HS6ST3: variants seen among roughly 807,000 people sequenced by gnomAD.
HS6ST3 encodes heparan sulfate 6-O-sulfotransferase 3, also known as heparan-sulfate 6-O-sulfotransferase 3.
In HS6ST3, 12 loss-of-function variants were observed where a neutral mutation model predicts 36.7. The observed-to-expected ratio is 0.33, with a 90% CI of 0.21 to 0.53. HS6ST3 has a LOEUF of 0.53. Among genes scored for constraint, HS6ST3 ranks in the 20% least tolerant of loss-of-function variants. The pLI is 0.95. For missense variants in HS6ST3, 584 were observed against 640.9 expected, an observed-to-expected ratio of 0.91 and a Z score of 0.96; for synonymous variants, 240 against 257.5, an observed-to-expected ratio of 0.93 and a Z score of 0.65.
At chr13:96,573,617 C>A in intron 1 of HS6ST3, 1 of 222,482 alleles carries the variant, frequency 4.5e-6, no homozygotes. Context: ...AACTCGAGCA[C>A]CCAATCAGGA....
rs562033567 is a variant in HS6ST3, at chr13:96,662,766, T to C, written c.708-169724T>C. 2.0e-4 allele frequency among the ~76,000 whole-genome samples: 30 copies of C among 152,208 alleles called. 1 individual carries two copies. The highest frequency in any genetic ancestry group is 1.8e-3 in the Admixed American group (28 of 15,268). Reference sequence around the variant, plus strand: ...GAAGCTATCATTTTTTAATTTTGAATTTTCTTTGCTTTGGATGGGATGTTT... The same window carrying C: ...GAAGCTATCATTTTTTAATTTTGAACTTTCTTTGCTTTGGATGGGATGTTT... On this transcript the variant is annotated intron_variant, in intron 1 of 1. Transcript: ENST00000376705.
At position 96,175,874 on chromosome 13, in the gene HS6ST3, G is replaced by A. The variant is rs1055189402; in HGVS notation, c.707+84305G>A. Among the ~76,000 whole-genome samples, 51 of 149,488 alleles carry A rather than the reference G, an allele frequency of 3.4e-4. 1 individual carries two copies. Among genetic ancestry groups the A allele is most frequent in the Middle Eastern group, 3.5e-3 (1 of 288 alleles). On this transcript the variant is annotated intron_variant, in intron 1 of 1. Coordinates refer to ENST00000376705, the MANE Select transcript of HS6ST3 (RefSeq NM_153456.4). ...TTTTGAGACGGAGTCTTGCTCTGTT[G>A]CCCAGGCTGGCGTGCAGTGGTGCAA...
chr13:96,729,556 A>G (rs965197169), intron 1 of HS6ST3, among the ~76,000 whole-genome samples: 1 of 152,076 alleles, frequency 6.6e-6, no homozygotes, highest in Admixed American at 6.5e-5. Context: ...TCCTAGGTTC[A>G]AGCGATTCTT....
chr13:96,541,869 G>A (rs775766363), intron 1 of HS6ST3, among the ~76,000 whole-genome samples: 8 of 152,098 alleles, frequency 5.3e-5, no homozygotes, highest in Non-Finnish European at 1.0e-4. Flanking sequence ...ACAACTCATC[G>A]TATCATTTGA....
chr13:96,230,596 G>A (rs2054503368), intron 1 of HS6ST3, among the ~76,000 whole-genome samples: 2 of 152,126 alleles, frequency 1.3e-5, no homozygotes, highest in Non-Finnish European at 2.9e-5. Flanking sequence ...GGAGGTCCAA[G>A]GATGGAATTT....
rs1251522202 is a variant in HS6ST3, at chr13:96,802,913, A to G, written c.708-29577A>G. Among the ~76,000 whole-genome samples, 4 of 152,166 alleles carry G rather than the reference A, an allele frequency of 2.6e-5. No homozygotes were observed. The East Asian group carries it at 5.8e-4, about 22-fold the overall frequency. The stretch of plus-strand genomic sequence containing the variant: ...GTCTTACCGTAAAAGTACCTTATCA[A>G]TCTGCATATTCAGTTGTGCTGCAGA... On this transcript the variant is annotated intron_variant, in intron 1 of 1. Transcript: ENST00000376705.
At chr13:96,252,402 C>T (rs754865871) in intron 1 of HS6ST3, among the ~76,000 whole-genome samples, 2 of 152,290 alleles carry the variant, frequency 1.3e-5, no homozygotes, top group Middle Eastern at 3.4e-3. Flanking sequence ...GGGGTCTCTT[C>T]GACCTTTTCT....
chr13:96,669,375 A>G (rs1398571509), intron 1 of HS6ST3, among the ~76,000 whole-genome samples: 1 of 152,096 alleles, frequency 6.6e-6, no homozygotes, highest in Non-Finnish European at 1.5e-5. Context: ...TCCCTCCAGG[A>G]AAGACATGTC....
intron 1 of HS6ST3, among the ~76,000 whole-genome samples, chr13:96,651,936 G>A: frequency 6.6e-6 from 1 of 151,944 alleles, no homozygotes; most frequent in South Asian, 2.1e-4. Context: ...GTAATGAATG[G>A]AAGTATTCAG....
intron 1 of HS6ST3, among the ~76,000 whole-genome samples, chr13:96,118,673 TATATATATATA>T (rs1566886524): frequency 4.8e-5 from 1 of 20,918 alleles, no homozygotes; most frequent in African/African-American, 2.1e-4. Flanking sequence ...TATATATATA[TATATATATATA>T]TATATTTTTT....
At chr13:96,287,738 A>C (rs78717088) in intron 1 of HS6ST3, among the ~76,000 whole-genome samples, 9,490 of 152,184 alleles carry the variant, frequency 0.062, 644 homozygotes, top group African/African-American at 0.17. Context: ...GTGTTGTATT[A>C]GTCTTCCTTC....
intron 1 of HS6ST3, among the ~76,000 whole-genome samples, chr13:96,754,037 T>C (rs1876765083): frequency 6.6e-6 from 1 of 152,132 alleles, no homozygotes; most frequent in African/African-American, 2.4e-5. Flanking sequence ...CAGGCTGATC[T>C]CGAACTCCTG....
At chr13:96,260,271 C>A (rs77562837) in intron 1 of HS6ST3, among the ~76,000 whole-genome samples, 1 of 148,484 alleles carries the variant, frequency 6.7e-6, no homozygotes, top group Non-Finnish European at 1.5e-5. Flanking sequence ...TCCTTCCTTT[C>A]TTCTTTCCTC....
intron 1 of HS6ST3, among the ~76,000 whole-genome samples, chr13:96,566,407 G>C (rs2056281418): frequency 1.3e-5 from 2 of 151,836 alleles, no homozygotes; most frequent in Admixed American, 1.3e-4. Context: ...TCTTTTCCTG[G>C]GAAAAAGACC....
chr13:96,103,877 T>C (rs1223323842), intron 1 of HS6ST3, among the ~76,000 whole-genome samples: 1 of 152,038 alleles, frequency 6.6e-6, no homozygotes, highest in East Asian at 1.9e-4. Flanking sequence ...CTTATCTAAG[T>C]GCATAAGTCT....
At chr13:96,474,368 G>A (rs372027643) in intron 1 of HS6ST3, among the ~76,000 whole-genome samples, 14 of 152,272 alleles carry the variant, frequency 9.2e-5, no homozygotes, top group South Asian at 6.2e-4. Flanking sequence ...AGGGACTGGC[G>A]TGACTGTGTT....
intron 1 of HS6ST3, among the ~76,000 whole-genome samples, chr13:96,567,066 A>T (rs1351675574): frequency 6.6e-6 from 1 of 152,140 alleles, no homozygotes; most frequent in Non-Finnish European, 1.5e-5. Context: ...AGATAGATGG[A>T]TATTTCCTAT....
intron 1 of HS6ST3, among the ~76,000 whole-genome samples, chr13:96,553,231 C>G (rs928744139): frequency 6.6e-6 from 1 of 152,136 alleles, no homozygotes; most frequent in African/African-American, 2.4e-5. Context: ...ATTCAAATGC[C>G]CATTGCTCAA....
At chr13:96,486,775 G>A (rs976622788) in intron 1 of HS6ST3, among the ~76,000 whole-genome samples, 2 of 152,062 alleles carry the variant, frequency 1.3e-5, no homozygotes, top group African/African-American at 2.4e-5. Context: ...GGTATAGCAC[G>A]ATTAATATCA....
Sources: allele counts gnomAD v4.1 joint callset (sites outside exome capture counted in the v4.1 genomes callset), GRCh38; gene constraint gnomAD v4.1.1; transcripts MANE v1.5; gene names NCBI Gene and HGNC (gene_info 2026-07-23, HGNC 2026-07-21).